Variants in BLK observed in about 807,000 individuals in gnomAD.
The protein encoded by BLK is BLK proto-oncogene, Src family tyrosine kinase, also known as tyrosine-protein kinase Blk.
Under a neutral mutation model 61.8 loss-of-function variants are expected in BLK, and 64 were observed. The ratio of observed to expected loss-of-function variants is 1.03; its 90% CI spans 0.85 to 1.27. BLK has a LOEUF of 1.27. Among genes scored for constraint, BLK ranks in the 50% most tolerant of loss-of-function variants. BLK has a pLI of 0.00. For synonymous variants in BLK, 351 were observed against 272.0 expected (o/e 1.29, Z -2.86); for missense variants, 853 against 660.5 (o/e 1.29, Z -3.19).
At chr8:11,563,819 A>C (rs1236892617) in intron 12 of BLK, 84 bp from the exon 13 acceptor site, 3 of 1,360,638 alleles carry the variant, frequency 2.2e-6, no homozygotes. Flanking sequence ...GCCTGGGCCC[A>C]CTGTGCCCCG....
At chr8:11,498,328 G>A (rs993859489) in intron 1 of BLK, among the ~76,000 whole-genome samples, 1 of 152,238 alleles carries the variant, frequency 6.6e-6, no homozygotes, top group South Asian at 2.1e-4. Context: ...AGTGGGTTCT[G>A]AGCATTGAGT....
chr8:11,506,630 C>A (rs1380551027), intron 1 of BLK, among the ~76,000 whole-genome samples: 1 of 152,176 alleles, frequency 6.6e-6, no homozygotes, highest in Admixed American at 6.5e-5. Context: ...GGTCTTCATA[C>A]CTTTCTCCAG....
At chr8:11,516,899 C>T (rs2117312498) in intron 1 of BLK, among the ~76,000 whole-genome samples, 1 of 152,324 alleles carries the variant, frequency 6.6e-6, no homozygotes, top group African/African-American at 2.4e-5. Context: ...GTACAAATAC[C>T]TGCTCAAGTC....
chr8:11,563,133 C>G, intron 12 of BLK, 23 bp downstream of exon 12: 2 of 1,613,292 alleles, frequency 1.2e-6, no homozygotes, highest in South Asian at 2.2e-5. Flanking sequence ...CCCCGCAGCT[C>G]GCGGCTCCCT....
At position 11,555,371 on chromosome 8, in the gene BLK, G is replaced by C; in HGVS notation, c.659G>C (p.Cys220Ser). Residue 220 changes from cysteine (C) to serine (S), a missense_variant, in exon 8 of 13, where the codon TGT becomes TCT. Coordinates refer to ENST00000259089, the MANE Select transcript of BLK (RefSeq NM_001715.3). Reference sequence around the variant, plus strand: ...CTATGCCAGAGGCTGACCCTGCCCTGTGTGCGCCCGGCCCCGCAGAATCCC... The same window carrying C: ...CTATGCCAGAGGCTGACCCTGCCCTCTGTGCGCCCGGCCCCGCAGAATCCC... Reference protein sequence around the residue: ...DGLCQRLTLPCVRPAPQNPWA... With the variant: ...DGLCQRLTLPSVRPAPQNPWA... 4 of 1,614,138 alleles carry C rather than the reference G, an allele frequency of 2.5e-6. No individual in the cohort carries two copies. Among genetic ancestry groups the C allele is most frequent in the Non-Finnish European group, 3.4e-6 (4 of 1,180,018 alleles).
At chr8:11,506,245 C>T (rs1271981789) in intron 1 of BLK, among the ~76,000 whole-genome samples, 2 of 152,212 alleles carry the variant, frequency 1.3e-5, no homozygotes, top group African/African-American at 4.8e-5. Flanking sequence ...GTTTTATGTC[C>T]TATTTGCAGA....
chr8:11,556,474 C>T, intron 8 of BLK, 184 bp from the exon 9 acceptor site: 1 of 702,296 alleles, frequency 1.4e-6, no homozygotes, highest in South Asian at 1.6e-5. Context: ...GCCTGAGGCC[C>T]CATATAGAAG....
intron 1 of BLK, among the ~76,000 whole-genome samples, chr8:11,521,949 G>C (rs189984527): frequency 6.6e-6 from 1 of 152,102 alleles, no homozygotes; most frequent in Admixed American, 6.5e-5. Context: ...AGCTTGTAAA[G>C]TTCCTCAAAA....
At chr8:11,500,618 C>T (rs1235694196) in intron 1 of BLK, among the ~76,000 whole-genome samples, 1 of 151,732 alleles carries the variant, frequency 6.6e-6, no homozygotes, top group Non-Finnish European at 1.5e-5. Flanking sequence ...CCAGCTCAGG[C>T]AATCCTCCCA....
intron 1 of BLK, among the ~76,000 whole-genome samples, chr8:11,523,212 T>A (rs1437941140): frequency 6.6e-6 from 1 of 152,156 alleles, no homozygotes; most frequent in Non-Finnish European, 1.5e-5. Context: ...TAGGTAGAAA[T>A]GATAGCTTTT....
chr8:11,522,428 C>A (rs985581794), intron 1 of BLK, among the ~76,000 whole-genome samples: 2 of 152,030 alleles, frequency 1.3e-5, no homozygotes, highest in Non-Finnish European at 2.9e-5. Flanking sequence ...TAAATGGGTT[C>A]GATCGCTTTG....
At chr8:11,524,486 C>A (rs935020263) in intron 1 of BLK, among the ~76,000 whole-genome samples, 1 of 152,158 alleles carries the variant, frequency 6.6e-6, no homozygotes, top group Non-Finnish European at 1.5e-5. Flanking sequence ...AGAATAATAA[C>A]CCTTGTTTAA....
At chr8:11,516,463 C>T (rs887267049) in intron 1 of BLK, among the ~76,000 whole-genome samples, 1 of 152,220 alleles carries the variant, frequency 6.6e-6, no homozygotes. Flanking sequence ...TTCTGACCTA[C>T]TCAAGGAACA....
Position 11,543,306 on chromosome 8 carries a change from G to A in BLK, c.82G>A (p.Val28Ile). Reference protein sequence around the residue: ...KDKGQWSPLKVSAQDKDAPPL... With the variant: ...KDKGQWSPLKISAQDKDAPPL... The stretch of plus-strand genomic sequence containing the variant: ...CAAGGGCCAATGGAGCCCCCTGAAG[G>A]TCAGCGCCCAAGACAAGGACGCCCC... The change falls in exon 2 of 13, where the codon GTC (valine) becomes ATC (isoleucine). Residue 28 changes from valine to isoleucine, a missense_variant. Transcript: ENST00000259089. The A allele has an allele frequency of 6.2e-7, 1 of 1,613,694 alleles. No individual in the cohort carries two copies. Among genetic ancestry groups the A allele is most frequent in the African/African-American group, 1.3e-5 (1 of 75,016 alleles).
intron 1 of BLK, among the ~76,000 whole-genome samples, chr8:11,541,412 G>A (rs1251076174): frequency 6.6e-6 from 1 of 151,980 alleles, no homozygotes; most frequent in African/African-American, 2.4e-5. Flanking sequence ...ACAAATTAAA[G>A]GTGAACATAC....
rs1026610889 is a variant in BLK at position 11,545,931 on chromosome 8, C to T, written c.124-121C>T. ...CCTGAGCAGCCCCCACAGGCAGCTGCCTCTCCTCCTTCAGTAGGTCCCTGG... is the reference window on the plus strand; with the variant it reads ...CCTGAGCAGCCCCCACAGGCAGCTGTCTCTCCTCCTTCAGTAGGTCCCTGG... On this transcript the variant is annotated intron_variant, in intron 2 of 12. Transcript: ENST00000259089. 8.7e-6 allele frequency: 9 copies of T among 1,033,404 alleles called. No individual in the cohort carries two copies. The African/African-American group carries it at 9.4e-5, about 11-fold the overall frequency. The allele number at this position is 1,033,404 out of a possible 1,614,324, so 64.0% of individuals were successfully genotyped here.
At chr8:11,501,035 C>A (rs1221627577) in intron 1 of BLK, among the ~76,000 whole-genome samples, 4 of 151,660 alleles carry the variant, frequency 2.6e-5, no homozygotes, top group African/African-American at 9.7e-5. Context: ...ATGGTGAAAC[C>A]CCATCTCTAC....
At chr8:11,530,812 T>TA (rs1799854464) in intron 1 of BLK, among the ~76,000 whole-genome samples, 1 of 152,204 alleles carries the variant, frequency 6.6e-6, no homozygotes, top group Admixed American at 6.5e-5. Flanking sequence ...TTAATATGAG[T>TA]AACAATGCTA....
intron 12 of BLK, 71 bp downstream of exon 12, chr8:11,563,181 TTGGTGCCTGTGGC>T: frequency 1.2e-6 from 2 of 1,604,958 alleles, no homozygotes; most frequent in South Asian, 2.2e-5. Context: ...TCGCCTGTGC[TTGGTGCCTGTGGC>T]TGCCCTGTTC....
Sources: gnomAD v4.1 joint callset for allele counts (sites outside exome capture counted in the v4.1 genomes callset) on GRCh38, gnomAD v4.1.1 for gene constraint, MANE v1.5 for transcripts, NCBI Gene and HGNC (gene_info 2026-07-23, HGNC 2026-07-21) for gene names.